The following GATAD2A variants were observed in gnomAD, a reference collection of about 807,000 sequenced individuals.
GATAD2A encodes GATA zinc finger domain containing 2A.
GATAD2A carries 12 observed loss-of-function variants against 68.5 expected under a neutral mutation model. The observed-to-expected ratio is 0.18, with a 90% CI of 0.11 to 0.28. The LOEUF (loss-of-function observed/expected upper bound fraction) is 0.28, where lower values mean the gene tolerates loss of function less well. Among genes scored for constraint, GATAD2A ranks in the 10% least tolerant of loss-of-function variants. The pLI, the probability that GATAD2A is intolerant of heterozygous loss-of-function variation, is 1.00. For synonymous variants in GATAD2A, 410 were observed against 375.3 expected (o/e 1.09, Z -1.07); for missense variants, 755 against 868.5 (o/e 0.87, Z 1.64).
At chr19:19,466,065 C>G (rs2057841123) in intron 2 of GATAD2A, among the ~76,000 whole-genome samples, 1 of 152,240 alleles carries the variant, frequency 6.6e-6, no homozygotes, top group South Asian at 2.1e-4. Context: ...CCAGGGCACC[C>G]TCCTCGGAGC....
At chr19:19,430,753 C>T (rs548856602) in intron 1 of GATAD2A, among the ~76,000 whole-genome samples, 9 of 152,230 alleles carry the variant, frequency 5.9e-5, no homozygotes, top group East Asian at 5.8e-4. Context: ...CCCATGGAAC[C>T]GGAGTTCCCC....
intron 1 of GATAD2A, among the ~76,000 whole-genome samples, chr19:19,408,998 A>G (rs898839165): frequency 7.0e-6 from 1 of 143,708 alleles, no homozygotes; most frequent in Non-Finnish European, 1.5e-5. Context: ...TTGTAAAGCC[A>G]TTCTTGAAAT....
intron 2 of GATAD2A, among the ~76,000 whole-genome samples, chr19:19,469,874 G>T (rs1174589717): frequency 6.6e-6 from 1 of 151,874 alleles, no homozygotes; most frequent in Non-Finnish European, 1.5e-5. Context: ...TTGAATCCGT[G>T]AAGCGGAGGT....
At position 19,426,715 on chromosome 19, in the gene GATAD2A, T is replaced by C. The variant is rs185161904; in HGVS notation, c.-7+20696T>C. 2.0e-5 allele frequency among the ~76,000 whole-genome samples: 3 copies of C among 152,286 alleles called. No individual in the cohort carries two copies. In the East Asian group the frequency reaches 5.8e-4, roughly 29 times the overall value. Reference sequence around the variant, plus strand: ...TTTTAATGGAGATGGGGTTTCACCATGTTGCACAGGCAGGTCTCGAACTTC... The same window carrying C: ...TTTTAATGGAGATGGGGTTTCACCACGTTGCACAGGCAGGTCTCGAACTTC... On this transcript the variant is annotated intron_variant, in intron 1 of 11. Transcript: ENST00000683918.
At chr19:19,421,130 C>T (rs1419707974) in intron 1 of GATAD2A, among the ~76,000 whole-genome samples, 4 of 152,142 alleles carry the variant, frequency 2.6e-5, no homozygotes, top group South Asian at 2.1e-4. Context: ...TGAGGATGCA[C>T]GAGCAGTCCC....
intron 1 of GATAD2A, among the ~76,000 whole-genome samples, chr19:19,459,482 C>A (rs1446070171): frequency 6.6e-6 from 1 of 151,720 alleles, no homozygotes; most frequent in Non-Finnish European, 1.5e-5. Flanking sequence ...GATGGGAAAA[C>A]TGAGGCTCAG....
At chr19:19,474,364 A>G (rs1289557714) in intron 2 of GATAD2A, among the ~76,000 whole-genome samples, 7 of 152,268 alleles carry the variant, frequency 4.6e-5, no homozygotes, top group Non-Finnish European at 8.8e-5. Flanking sequence ...ATCACGGCCC[A>G]GAAACCTTAC....
At chr19:19,486,923 G>A (rs1315168106) in intron 2 of GATAD2A, among the ~76,000 whole-genome samples, 1 of 152,250 alleles carries the variant, frequency 6.6e-6, no homozygotes, top group Non-Finnish European at 1.5e-5. Context: ...AGACCCAGGT[G>A]TCTTCTAGCT....
chr19:19,425,328 A>G (rs772317098), intron 1 of GATAD2A, among the ~76,000 whole-genome samples: 39 of 152,002 alleles, frequency 2.6e-4, no homozygotes, highest in South Asian at 4.2e-4. Flanking sequence ...GATCCTCCCA[A>G]ATTTTTTTAT....
At chr19:19,493,537 G>T (rs1451884797) in intron 4 of GATAD2A, among the ~76,000 whole-genome samples, 1 of 152,302 alleles carries the variant, frequency 6.6e-6, no homozygotes, top group East Asian at 1.9e-4. Flanking sequence ...AGCTTAATGG[G>T]CAGCGAGGTT....
chr19:19,453,121 A>T lies in GATAD2A; in HGVS notation c.-6-12219A>T, dbSNP rs149243705. Among the ~76,000 whole-genome samples the T allele has an allele frequency of 5.2e-3, 795 of 151,552 alleles. 6 individuals carry two copies. Among genetic ancestry groups the T allele is most frequent in the South Asian group, 0.042 (200 of 4,776 alleles). ...ACCTTGTGCTTGCACTGTGACTGAA[A>T]CCTCCCCTCCTCAGCGAGGCTTCTC... On this transcript the variant is annotated intron_variant, in intron 1 of 11. Transcript: ENST00000683918.
At chr19:19,496,562 G>T (rs2060163850) in intron 7 of GATAD2A, among the ~76,000 whole-genome samples, 2 of 152,232 alleles carry the variant, frequency 1.3e-5, no homozygotes, top group South Asian at 4.1e-4. Flanking sequence ...GATAGTCGAG[G>T]CCCAGGAGAG....
intron 1 of GATAD2A, among the ~76,000 whole-genome samples, chr19:19,446,154 G>C (rs549378403): frequency 6.6e-6 from 1 of 152,332 alleles, no homozygotes; most frequent in East Asian, 1.9e-4. Flanking sequence ...ACTATGCAGT[G>C]TATGAGGGTC....
Position 19,501,172 on chromosome 19 carries a change from A to G in GATAD2A, c.1259A>G (p.Gln420Arg), listed in dbSNP as rs147895767. ...VLSREPYMCA[Q>R]CKTDFTCRWR... ...TCCCGGGAGCCCTACATGTGTGCACAGTGCAAGACGGACTTCACGTGCCGC... is the reference window on the plus strand; with the variant it reads ...TCCCGGGAGCCCTACATGTGTGCACGGTGCAAGACGGACTTCACGTGCCGC... The change falls in exon 9 of 12, where the codon CAG (glutamine) becomes CGG (arginine). Residue 420 changes from glutamine (Q) to arginine (R), a missense_variant. Transcript: ENST00000683918. 5.6e-6 allele frequency: 9 copies of G among 1,613,406 alleles called. No individual in the cohort carries two copies. In the East Asian group the frequency reaches 6.7e-5, roughly 12 times the overall value.
intron 1 of GATAD2A, among the ~76,000 whole-genome samples, chr19:19,399,483 G>A (rs537615838): frequency 1.2e-4 from 18 of 152,214 alleles, no homozygotes; most frequent in African/African-American, 2.6e-4. Flanking sequence ...GAGCCACCTC[G>A]CCCAGCCAAT....
intron 1 of GATAD2A, among the ~76,000 whole-genome samples, chr19:19,417,244 G>A (rs1298720171): frequency 1.3e-5 from 2 of 152,192 alleles, no homozygotes; most frequent in African/African-American, 4.8e-5. Context: ...GGGCTGGGAT[G>A]AGTGACAGGG....
intron 2 of GATAD2A, among the ~76,000 whole-genome samples, chr19:19,473,303 C>G (rs1458431543): frequency 6.6e-6 from 1 of 152,128 alleles, no homozygotes; most frequent in Non-Finnish European, 1.5e-5. Flanking sequence ...CTTTGGGGCT[C>G]AAAGTAGCAT....
chr19:19,448,619 C>T (rs559875203), intron 1 of GATAD2A, among the ~76,000 whole-genome samples: 30 of 152,040 alleles, frequency 2.0e-4, no homozygotes, highest in Non-Finnish European at 2.9e-4. Flanking sequence ...TTTCTGGGTA[C>T]CTGGGATTAC....
At chr19:19,403,909 T>G (rs1877762836), upstream of GATAD2A, among the ~76,000 whole-genome samples, 1 of 152,206 alleles carries the variant, frequency 6.6e-6, no homozygotes, top group Non-Finnish European at 1.5e-5. Context: ...GTCACCTGTT[T>G]GAGAATAAGA....
Sources: gnomAD v4.1 joint callset for allele counts (sites outside exome capture counted in the v4.1 genomes callset) on GRCh38, gnomAD v4.1.1 for gene constraint, MANE v1.5 for transcripts, NCBI Gene and HGNC (gene_info 2026-07-23, HGNC 2026-07-21) for gene names.